Variants in RBFOX2 observed in about 807,000 individuals in gnomAD.
RBFOX2 encodes RNA binding fox-1 homolog 2.
In RBFOX2, 10 loss-of-function variants were observed where a neutral mutation model predicts 49.1. That is an observed-to-expected ratio of 0.20 (90% confidence interval 0.13 to 0.35). RBFOX2 has a LOEUF of 0.35. Among genes scored for constraint, RBFOX2 ranks in the 10% least tolerant of loss-of-function variants. The pLI, the probability that RBFOX2 is intolerant of heterozygous loss-of-function variation, is 1.00. For synonymous variants in RBFOX2, 183 were observed against 187.4 expected, an observed-to-expected ratio of 0.98 and a Z score of 0.19; for missense variants, 323 against 486.9, an observed-to-expected ratio of 0.66 and a Z score of 3.17.
intron 2 of RBFOX2, among the ~76,000 whole-genome samples, chr22:35,801,226 A>T (rs1201279327): frequency 6.6e-6 from 1 of 152,208 alleles, no homozygotes; most frequent in Non-Finnish European, 1.5e-5. Context: ...TGTAAATAAC[A>T]ACGCTTCCTG....
At chr22:36,001,065 A>C (rs2058394984) in intron 1 of RBFOX2, among the ~76,000 whole-genome samples, 1 of 152,170 alleles carries the variant, frequency 6.6e-6, no homozygotes, top group Non-Finnish European at 1.5e-5. Context: ...AGGAAAGCAC[A>C]GAAAGCTATT....
intron 1 of RBFOX2, chr22:35,897,294 TC>T: frequency 6.6e-7 from 1 of 1,504,512 alleles, no homozygotes; most frequent in Non-Finnish European, 9.3e-7. Flanking sequence ...CAGCTTCACA[TC>T]CTCAATTTCA....
chr22:35,792,804 T>C (rs902588468), intron 2 of RBFOX2, among the ~76,000 whole-genome samples: 1 of 152,282 alleles, frequency 6.6e-6, no homozygotes, highest in Admixed American at 6.5e-5. Context: ...ATTTTCAGTT[T>C]TTCCTTACAA....
intron 1 of RBFOX2, among the ~76,000 whole-genome samples, chr22:35,887,996 C>T (rs1035963298): frequency 1.3e-5 from 2 of 152,134 alleles, no homozygotes; most frequent in African/African-American, 2.4e-5. Context: ...TTCTTATGTT[C>T]TACCTCCCTC....
chr22:36,025,575 T>C (rs902801599), intron 1 of RBFOX2, among the ~76,000 whole-genome samples: 17 of 152,222 alleles, frequency 1.1e-4, no homozygotes, highest in African/African-American at 4.1e-4. Flanking sequence ...GCTTAATAAA[T>C]GTTAGTTCAA....
At chr22:35,928,286 G>C (rs1478005161) in intron 1 of RBFOX2, among the ~76,000 whole-genome samples, 1 of 152,084 alleles carries the variant, frequency 6.6e-6, no homozygotes, top group African/African-American at 2.4e-5. Context: ...TGTCTGCAGA[G>C]AAATTGCCAC....
intron 2 of RBFOX2, among the ~76,000 whole-genome samples, chr22:35,793,464 C>T (rs1177013432): frequency 6.6e-6 from 1 of 152,196 alleles, no homozygotes; most frequent in Non-Finnish European, 1.5e-5. Flanking sequence ...CATTCCTTCT[C>T]ACAGAGTACA....
At position 35,744,398 on chromosome 22, in the gene RBFOX2, G is replaced by C. The variant is rs1569200451; in HGVS notation, c.1050-149C>G. 3 of 667,246 alleles carry C rather than the reference G, an allele frequency of 4.5e-6. No individual in the cohort carries two copies. In the South Asian group the frequency reaches 8.8e-5, roughly 20 times the overall value. 41.3% of individuals were successfully genotyped at this position (667,246 alleles called of 1,614,324 possible). ...GCATTGCCTTGTGCAGTGAAGTCAGGAAACCAACTTCTGCTTCTAAGGTGC... is the reference window on the plus strand; with the variant it reads ...GCATTGCCTTGTGCAGTGAAGTCAGCAAACCAACTTCTGCTTCTAAGGTGC... On this transcript the variant is annotated intron_variant, in intron 11 of 11. Coordinates refer to ENST00000405409, the Ensembl canonical transcript of RBFOX2.
At chr22:35,763,662 T>C (rs1008115112) in intron 6 of RBFOX2, among the ~76,000 whole-genome samples, 29 of 152,232 alleles carry the variant, frequency 1.9e-4, no homozygotes, top group African/African-American at 7.0e-4. Context: ...TTTTCACAGA[T>C]GCCCTTTGAC....
chr22:36,003,913 T>C (rs1327224970), intron 1 of RBFOX2, among the ~76,000 whole-genome samples: 1 of 152,226 alleles, frequency 6.6e-6, no homozygotes, highest in African/African-American at 2.4e-5. Flanking sequence ...TGCAGGGTTC[T>C]CAACCTCAGC....
chr22:35,766,332 T>C (rs183041024), intron 5 of RBFOX2, among the ~76,000 whole-genome samples: 65 of 152,300 alleles, frequency 4.3e-4, no homozygotes, highest in African/African-American at 1.5e-3. Flanking sequence ...ACTTGACTTA[T>C]ACTGTGTTGT....
At chr22:35,921,056 A>G (rs116149324) in intron 1 of RBFOX2, among the ~76,000 whole-genome samples, 3,343 of 152,368 alleles carry the variant, frequency 0.022, 122 homozygotes, top group African/African-American at 0.077. Context: ...ATTAATTTAA[A>G]GATTGCAACG....
At chr22:36,028,747 C>G (rs1039698446) in exon 1 of RBFOX2, among the ~76,000 whole-genome samples, 2 of 151,950 alleles carry the variant, frequency 1.3e-5, no homozygotes, top group Non-Finnish European at 2.9e-5. Context: ...CTCTCGCACT[C>G]CCGGAGCTCG....
intron 6 of RBFOX2, among the ~76,000 whole-genome samples, chr22:35,763,931 C>T (rs1295546523): frequency 2.6e-5 from 4 of 152,156 alleles, no homozygotes; most frequent in Non-Finnish European, 5.9e-5. Flanking sequence ...TTCTGAATTC[C>T]AGTCAGAGGC....
chr22:35,830,575 T>C (rs1000421773), intron 1 of RBFOX2, among the ~76,000 whole-genome samples: 1 of 152,226 alleles, frequency 6.6e-6, no homozygotes, highest in Non-Finnish European at 1.5e-5. Flanking sequence ...CTAGACTATA[T>C]GGCATCGCCT....
chr22:36,008,303 T>C (rs1251352853), intron 1 of RBFOX2, among the ~76,000 whole-genome samples: 1 of 152,148 alleles, frequency 6.6e-6, no homozygotes, highest in African/African-American at 2.4e-5. Context: ...ATGTTTAACA[T>C]GTGGTAAACA....
At chr22:35,934,190 C>T (rs1176436397) in intron 1 of RBFOX2, among the ~76,000 whole-genome samples, 1 of 150,942 alleles carries the variant, frequency 6.6e-6, no homozygotes, top group East Asian at 1.9e-4. Context: ...AATTAGAACT[C>T]ACAGATGATG....
chr22:35,796,164 C>A (rs2147722441), intron 2 of RBFOX2, among the ~76,000 whole-genome samples: 1 of 152,282 alleles, frequency 6.6e-6, no homozygotes, highest in Admixed American at 6.5e-5. Flanking sequence ...CTTCTATTTA[C>A]ATCCCCACCT....
chr22:35,777,748 A>G, intron 4 of RBFOX2: 1 of 379,826 alleles, frequency 2.6e-6, no homozygotes, highest in Non-Finnish European at 4.7e-6. Context: ...AGGCTCATAA[A>G]GCACTGTCAT....
Sources: gnomAD v4.1 joint callset for allele counts (sites outside exome capture counted in the v4.1 genomes callset) on GRCh38, gnomAD v4.1.1 for gene constraint, MANE v1.5 for transcripts, NCBI Gene and HGNC (gene_info 2026-07-23, HGNC 2026-07-21) for gene names.